The following ADK variants were observed in gnomAD, a reference collection of about 807,000 sequenced individuals.
ADK encodes the protein adenosine kinase, also known as N6,N6-dimethyladenosine kinase.
A neutral mutation model predicts 44.7 loss-of-function variants in ADK; 24 were observed. That is an observed-to-expected ratio of 0.54 (90% confidence interval 0.39 to 0.76). ADK has a LOEUF of 0.76. ADK is among the 30% of genes least tolerant of loss of function. ADK has a pLI of 0.00. For missense variants in ADK, 321 were observed against 425.1 expected (o/e 0.76, Z 2.15); for synonymous variants, 128 against 142.6 (o/e 0.90, Z 0.73).
intron 6 of ADK, among the ~76,000 whole-genome samples, chr10:74,431,332 G>A (rs865812046): frequency 1.1e-4 from 16 of 152,084 alleles, no homozygotes; most frequent in African/African-American, 3.6e-4. Flanking sequence ...TTATCACATC[G>A]GCCCAAATGT....
At chr10:74,374,141 C>T (rs545280799) in intron 4 of ADK, among the ~76,000 whole-genome samples, 2 of 152,100 alleles carry the variant, frequency 1.3e-5, no homozygotes, top group African/African-American at 4.8e-5. Flanking sequence ...ATGAGGTTTT[C>T]GGAAGTGATG....
chr10:74,708,487 C>A lies in ADK; in HGVS notation c.*42C>A, dbSNP rs1856685306. Reference sequence around the variant, plus strand: ...ACAAGCCCAGGAGTGCAGACACTGCCCTAATTGCTTCCTGAGAATTCCCAT... The same window carrying A: ...ACAAGCCCAGGAGTGCAGACACTGCACTAATTGCTTCCTGAGAATTCCCAT... On this transcript the variant is annotated 3_prime_UTR_variant, in exon 11 of 11. Coordinates refer to ENST00000539909, the MANE Select transcript of ADK (RefSeq NM_006721.4). 6.2e-7 allele frequency: 1 copy of A among 1,601,172 alleles called. No homozygotes were observed. Among genetic ancestry groups the A allele is most frequent in the East Asian group, 2.3e-5 (1 of 44,388 alleles).
chr10:74,229,499 G>A (rs1396865176), intron 3 of ADK, among the ~76,000 whole-genome samples: 1 of 147,732 alleles, frequency 6.8e-6, no homozygotes, highest in Non-Finnish European at 1.5e-5. Flanking sequence ...CTGGGTTCAC[G>A]CCATTCTCCT....
At position 74,367,297 on chromosome 10, in the gene ADK, C is replaced by A. The variant is rs187456420; in HGVS notation, c.274-26844C>A. ...GATTTTTGAAGAATGCTTTAAAAAA[C>A]TTCTTTGCCTAGAGTCTTTAAAGCT... On this transcript the variant is annotated intron_variant, in intron 4 of 10. Transcript: ENST00000539909. 4.0e-4 allele frequency among the ~76,000 whole-genome samples: 61 copies of A among 152,272 alleles called. 2 individuals are homozygous for A. In the East Asian group the frequency reaches 9.8e-3, roughly 25 times the overall value.
intron 9 of ADK, among the ~76,000 whole-genome samples, chr10:74,610,545 A>G (rs765930680): frequency 3.0e-4 from 46 of 152,182 alleles, no homozygotes; most frequent in Non-Finnish European, 6.2e-4. Context: ...ATATTCAACA[A>G]TGCTTAAAAT....
Position 74,555,792 on chromosome 10 carries a change from T to C in ADK, c.726+30366T>C, listed in dbSNP as rs565734513. Among the ~76,000 whole-genome samples the C allele has an allele frequency of 2.0e-5, 3 of 152,222 alleles. No individual in the cohort carries two copies. In the East Asian group the frequency reaches 5.8e-4, roughly 29 times the overall value. On this transcript the variant is annotated intron_variant, in intron 7 of 10. Coordinates refer to ENST00000539909, the MANE Select transcript of ADK (RefSeq NM_006721.4). The stretch of plus-strand genomic sequence containing the variant: ...TCTGGACAGAAAGCACCTAGAAGGT[T>C]GAGATAATTCAATGCAAAATCAGAG...
chr10:74,598,315 T>C (rs1851993588), intron 8 of ADK, among the ~76,000 whole-genome samples: 1 of 134,820 alleles, frequency 7.4e-6, no homozygotes, highest in African/African-American at 2.5e-5. Flanking sequence ...TATTTTGTCC[T>C]TTAATTGCCA....
chr10:74,202,578 C>T (rs1843434088), intron 2 of ADK, among the ~76,000 whole-genome samples: 1 of 152,178 alleles, frequency 6.6e-6, no homozygotes, highest in African/African-American at 2.4e-5. Context: ...TGCATTCCTA[C>T]CGGCAGTGCA....
chr10:74,447,279 A>T (rs1170555676), intron 6 of ADK, among the ~76,000 whole-genome samples: 5 of 152,094 alleles, frequency 3.3e-5, no homozygotes, highest in Non-Finnish European at 5.9e-5. Context: ...GGGGGTTTAG[A>T]CTTCTGGTGG....
chr10:74,502,246 A>T (rs113368967), intron 6 of ADK, among the ~76,000 whole-genome samples: 4,569 of 151,998 alleles, frequency 0.03, 191 homozygotes, highest in African/African-American at 0.091. Context: ...TATTTTTTTT[A>T]AATTTTTTTC....
intron 9 of ADK, among the ~76,000 whole-genome samples, chr10:74,605,347 T>C (rs1852281485): frequency 6.6e-6 from 1 of 152,196 alleles, no homozygotes; most frequent in African/African-American, 2.4e-5. Flanking sequence ...TCCTTCCAGC[T>C]TTTGCCCATT....
chr10:74,329,037 C>G (rs1841119415), intron 4 of ADK, among the ~76,000 whole-genome samples: 1 of 144,298 alleles, frequency 6.9e-6, no homozygotes, highest in Admixed American at 7.1e-5. Context: ...GTACATGTAC[C>G]CTAGAACTTA....
At position 74,303,588 on chromosome 10, in the gene ADK, G is replaced by GTTTTTT. The variant is rs1185036462; in HGVS notation, c.195-11058_195-11053dup. ...CACTTTTCATATTGGTTTTAATGTT[G>GTTTTTT]TTTTTTTTTTTTTTTTTTTTTTTTT... On this transcript the variant is annotated intron_variant, in intron 3 of 10. Transcript: ENST00000539909. 4.1e-4 allele frequency among the ~76,000 whole-genome samples: 28 copies of GTTTTTT among 68,572 alleles called. 8 individuals carry two copies. Among genetic ancestry groups the GTTTTTT allele is most frequent in the East Asian group, 1.4e-3 (3 of 2,178 alleles). The allele number at this position is 68,572 out of a possible 152,430, so 45.0% of individuals were successfully genotyped here. A position where few individuals can be genotyped will look rare whatever the true frequency, so the allele number is the denominator to read the frequency against.
chr10:74,582,359 G>A (rs1851400946), intron 7 of ADK, among the ~76,000 whole-genome samples: 1 of 151,824 alleles, frequency 6.6e-6, no homozygotes, highest in African/African-American at 2.4e-5. Flanking sequence ...CAATAATAGG[G>A]CTACTATCCT....
chr10:74,586,154 A>G (rs1011636071), intron 7 of ADK, among the ~76,000 whole-genome samples: 13 of 152,212 alleles, frequency 8.5e-5, no homozygotes, highest in Admixed American at 2.6e-4. Context: ...TTGTACCTAC[A>G]AACACCTTCA....
chr10:74,532,688 G>C (rs1244316637), intron 7 of ADK, among the ~76,000 whole-genome samples: 1 of 151,920 alleles, frequency 6.6e-6, no homozygotes, highest in Non-Finnish European at 1.5e-5. Context: ...ATCATTTGAG[G>C]TCAAGAGTTC....
intron 7 of ADK, among the ~76,000 whole-genome samples, chr10:74,560,700 T>A (rs7918318): frequency 1.1e-4 from 17 of 152,164 alleles, no homozygotes; most frequent in Admixed American, 5.9e-4. Flanking sequence ...CAAGTTATAG[T>A]ATTGAGAAGC....
chr10:74,493,586 G>A (rs1847573118), intron 6 of ADK, among the ~76,000 whole-genome samples: 1 of 149,960 alleles, frequency 6.7e-6, no homozygotes, highest in South Asian at 2.1e-4. Flanking sequence ...GTCTCCATAT[G>A]TTGCCCAGGT....
chr10:74,272,566 C>T (rs188130354), intron 3 of ADK, among the ~76,000 whole-genome samples: 1 of 152,318 alleles, frequency 6.6e-6, no homozygotes, highest in Non-Finnish European at 1.5e-5. Flanking sequence ...TGAGCCACCA[C>T]AGCCAATATG....
Sources: allele counts gnomAD v4.1 joint callset (sites outside exome capture counted in the v4.1 genomes callset), GRCh38; gene constraint gnomAD v4.1.1; transcripts MANE v1.5; gene names NCBI Gene and HGNC (gene_info 2026-07-23, HGNC 2026-07-21).